Variants in ULBP2 observed in about 807,000 individuals in gnomAD.
ULBP2 encodes UL16 binding protein 2.
Under a neutral mutation model 23.6 loss-of-function variants are expected in ULBP2, and 21 were observed. That is an observed-to-expected ratio of 0.89 (90% CI 0.63 to 1.28). The LOEUF (loss-of-function observed/expected upper bound fraction) is 1.28, where lower values mean the gene tolerates loss of function less well. ULBP2 is among the 50% of genes most tolerant of loss of function. The pLI, the probability that ULBP2 is intolerant of heterozygous loss-of-function variation, is 0.00. For missense variants in ULBP2, 251 were observed against 306.0 expected (o/e 0.82, Z 1.34); for synonymous variants, 82 against 112.8 (o/e 0.73, Z 1.73).
intron 1 of ULBP2, among the ~76,000 whole-genome samples, chr6:149,942,578 C>T (rs1219044271): frequency 1.3e-5 from 2 of 152,104 alleles, no homozygotes; most frequent in East Asian, 1.9e-4. Flanking sequence ...GCCTGCTCTG[C>T]TCTCACCCGC....
chr6:149,945,173 C>G, intron 1 of ULBP2, 136 bp from the exon 2 acceptor site: 1 of 1,066,042 alleles, frequency 9.4e-7, no homozygotes, highest in South Asian at 1.5e-5. Context: ...CTTGTAGACA[C>G]CACAGTTCTG....
chr6:149,942,101 T>C lies in ULBP2; in HGVS notation c.29T>C (p.Leu10Pro). 1 of 1,613,584 alleles carries C rather than the reference T, an allele frequency of 6.2e-7. No homozygotes were observed. The highest frequency in any genetic ancestry group is 8.5e-7 in the Non-Finnish European group (1 of 1,179,862). ...GCAGCAGCCGCCGCTACCAAGATCC[T>C]TCTGTGCCTCCCGCTTCTGCTCCTG... MAAAAATKI[L>P]LCLPLLLLLS... The change falls in exon 1 of 5, where the codon CTT becomes CCT. Residue 10 changes from leucine (L) to proline (P), a missense_variant. By Grantham distance (98) the Leu-to-Pro change is moderately conservative (BLOSUM62 -3). This residue lies in a region of ULBP2 where 248 missense variants were observed against 258.9 expected (regional missense o/e 0.96). Coordinates refer to ENST00000367351, the MANE Select transcript of ULBP2 (RefSeq NM_025217.4).
At chr6:149,948,600 A>C in intron 4 of ULBP2, 123 bp from the exon 5 acceptor site, 1 of 448,578 alleles carries the variant, frequency 2.2e-6, no homozygotes, top group Non-Finnish European at 4.5e-6. Context: ...GTTGAGGCTC[A>C]AGGGAAAAAT....
At chr6:149,945,715 G>A in intron 2 of ULBP2, 143 bp downstream of exon 2, 1 of 1,510,788 alleles carries the variant, frequency 6.6e-7, no homozygotes, top group South Asian at 1.3e-5. Context: ...GGTAGAGGTG[G>A]GCCGATCACA....
intron 4 of ULBP2, among the ~76,000 whole-genome samples, chr6:149,948,423 T>C (rs1328726917): frequency 1.3e-5 from 2 of 152,148 alleles, no homozygotes; most frequent in African/African-American, 2.4e-5. Context: ...GTTTTAGGCC[T>C]TCACATCAGA....
rs1778983595 is a variant in ULBP2, at chr6:149,948,959, A to T, written c.*259A>T. The T allele has an allele frequency of 3.5e-6, 1 of 288,618 alleles. No homozygotes were observed. Among genetic ancestry groups the T allele is most frequent in the Non-Finnish European group, 6.9e-6 (1 of 145,730 alleles). 17.9% of individuals were successfully genotyped at this position (288,618 alleles called of 1,614,324 possible). On this transcript the variant is annotated 3_prime_UTR_variant, in exon 5 of 5. Coordinates refer to ENST00000367351, the MANE Select transcript of ULBP2 (RefSeq NM_025217.4). ...TGGTGCTACCTGATGGAATTCCTGC[A>T]CTTAAAGTTCTGGCTGACTAAACAA...
intron 2 of ULBP2, 78 bp downstream of exon 2, chr6:149,945,650 A>G: frequency 6.2e-7 from 1 of 1,612,352 alleles, no homozygotes; most frequent in Non-Finnish European, 8.5e-7. Flanking sequence ...TCATGTAAAA[A>G]TACAAAAGGG....
In ULBP2 at chr6:149,945,659, G is replaced by A. The variant is rs539003634; in HGVS notation, c.349+87G>A. 35 of 1,609,912 alleles carry A rather than the reference G, an allele frequency of 2.2e-5. No individual in the cohort carries two copies. The African/African-American group carries it at 4.4e-4, about 20-fold the overall frequency. On this transcript the variant is annotated intron_variant, in intron 2 of 4. Coordinates refer to ENST00000367351, the MANE Select transcript of ULBP2 (RefSeq NM_025217.4). ...TAGTTTTCATGTAAAAATACAAAAG[G>A]GTCCTGGGCACGGTGGCTCACGCCT...
chr6:149,946,217 A>AAAG (rs1554268079), intron 2 of ULBP2, among the ~76,000 whole-genome samples, 155 bp from the exon 3 acceptor site: 1 of 151,254 alleles, frequency 6.6e-6, no homozygotes, highest in East Asian at 1.9e-4. Flanking sequence ...AAAAAAAAAA[A>AAAG]AAAAATACAA....
Position 149,946,482 on chromosome 6 carries a change from G to C in ULBP2, c.460G>C (p.Glu154Gln). 6.2e-7 allele frequency: 1 copy of C among 1,614,168 alleles called. No homozygotes were observed. Among genetic ancestry groups the C allele is most frequent in the Non-Finnish European group, 8.5e-7 (1 of 1,180,040 alleles). ...GCAGATCTTCCTCCTCTTTGACTCA[G>C]AGAAGAGAATGTGGACAACGGTTCA... ...DGQIFLLFDS[E>Q]KRMWTTVHPG... Residue 154 changes from glutamate (E) to glutamine (Q), a missense_variant, in exon 3 of 5, where the codon GAG becomes CAG. Around this residue, in one of 2 missense-constraint regions of ULBP2, gnomAD observed 248 missense variants for 258.9 expected, o/e 0.96. Transcript: ENST00000367351.
At chr6:149,946,898 C>T (rs1778951780) in intron 3 of ULBP2, among the ~76,000 whole-genome samples, 1 of 152,180 alleles carries the variant, frequency 6.6e-6, no homozygotes, top group Non-Finnish European at 1.5e-5. Context: ...GATTTCTCAC[C>T]AGCCTTGAAA....
chr6:149,943,691 G>A (rs1014498095), intron 1 of ULBP2, among the ~76,000 whole-genome samples: 6 of 152,060 alleles, frequency 3.9e-5, no homozygotes, highest in African/African-American at 1.2e-4. Context: ...CTTGTCATGG[G>A]CCTTCTTTAT....
At chr6:149,947,709 T>C (rs564515954) in intron 4 of ULBP2, among the ~76,000 whole-genome samples, 2 of 152,178 alleles carry the variant, frequency 1.3e-5, no homozygotes, top group East Asian at 3.9e-4. Context: ...TCAGGGTCTG[T>C]TGAGCTTGAG....
At position 149,942,166 on chromosome 6, in the gene ULBP2, G is replaced by A; in HGVS notation, c.85+9G>A. 1 of 1,612,752 alleles carries A rather than the reference G, an allele frequency of 6.2e-7. No individual in the cohort carries two copies. Among genetic ancestry groups the A allele is most frequent in the Middle Eastern group, 1.7e-4 (1 of 6,056 alleles). The stretch of plus-strand genomic sequence containing the variant: ...CCGGGCTGGGCGAGCCGGTGAGTTC[G>A]TGGATGGAGCCTAAGCCGGGCGGGG... On this transcript the variant is annotated intron_variant, in intron 1 of 4. Coordinates refer to ENST00000367351, the MANE Select transcript of ULBP2 (RefSeq NM_025217.4).
intron 1 of ULBP2, among the ~76,000 whole-genome samples, chr6:149,942,387 G>T (rs1778876565): frequency 6.6e-6 from 1 of 152,196 alleles, no homozygotes; most frequent in African/African-American, 2.4e-5. Flanking sequence ...GCTGGCAGGA[G>T]GGTGGAGGGG....
At chr6:149,942,413 G>C (rs891278097) in intron 1 of ULBP2, among the ~76,000 whole-genome samples, 2 of 152,188 alleles carry the variant, frequency 1.3e-5, no homozygotes, top group African/African-American at 4.8e-5. Context: ...GGGCTGCAGA[G>C]AGCGAGGTGG....
Position 149,942,066 on chromosome 6 carries a change from G to A in ULBP2, c.-7G>A, listed in dbSNP as rs1000385896. 12 of 1,612,878 alleles carry A rather than the reference G, an allele frequency of 7.4e-6. No homozygotes were observed. The highest frequency in any genetic ancestry group is 9.3e-6 in the Non-Finnish European group (11 of 1,179,630). ...AAGTCTCTCATCCCTAGCGCTCTGGGTCCTTAATGGCAGCAGCCGCCGCTA... is the reference window on the plus strand; with the variant it reads ...AAGTCTCTCATCCCTAGCGCTCTGGATCCTTAATGGCAGCAGCCGCCGCTA... On this transcript the variant is annotated 5_prime_UTR_variant, in exon 1 of 5. Transcript: ENST00000367351.
At chr6:149,944,716 C>CTTA (rs1251185144) in intron 1 of ULBP2, among the ~76,000 whole-genome samples, 1 of 134,046 alleles carries the variant, frequency 7.5e-6, no homozygotes, top group Admixed American at 7.5e-5. Context: ...CACTACCTGC[C>CTTA]TTAGACTTTC....
rs746296355 is a variant in ULBP2 at position 149,945,519 on chromosome 6, A to T, written c.296A>T (p.Asp99Val). Residue 99 changes from aspartate (D) to valine (V), a missense_variant, in exon 2 of 5, where the codon GAC (aspartate) becomes GTC (valine). Physicochemically the swap from Asp to Val is radical, Grantham distance 152. This residue lies in a region of ULBP2 where 248 missense variants were observed against 258.9 expected (regional missense o/e 0.96). Coordinates refer to ENST00000367351, the MANE Select transcript of ULBP2 (RefSeq NM_025217.4). The part of the protein sequence containing the change: ...AQNPVLREVV[D>V]ILTEQLRDIQ... The stretch of plus-strand genomic sequence containing the variant: ...AACCCAGTACTGAGAGAGGTGGTGG[A>T]CATACTTACAGAGCAACTGCGTGAC... 8.1e-6 allele frequency: 13 copies of T among 1,614,056 alleles called. 1 individual carries two copies. In the South Asian group the frequency reaches 1.4e-4, roughly 18 times the overall value.
Sources: allele counts gnomAD v4.1 joint callset (sites outside exome capture counted in the v4.1 genomes callset), GRCh38; gene constraint gnomAD v4.1.1; regional missense constraint gnomAD v4.1.1; transcripts MANE v1.5; gene names NCBI Gene and HGNC (gene_info 2026-07-23, HGNC 2026-07-21).